The following DMBT1 variants were observed in gnomAD, a reference collection of about 807,000 sequenced individuals.
DMBT1 encodes scavenger receptor cysteine-rich domain-containing protein DMBT1.
Under a neutral mutation model 252.9 loss-of-function variants are expected in DMBT1, and 198 were observed. That is an observed-to-expected ratio of 0.78 (90% CI 0.70 to 0.88). DMBT1 has a LOEUF of 0.88. Among genes scored for constraint, DMBT1 ranks in the 40% least tolerant of loss-of-function variants. The probability of loss-of-function intolerance (pLI) is 0.00; values close to 1 mark genes in which losing one functional copy is unlikely to be tolerated. For missense variants in DMBT1, 2,432 were observed against 2,404.7 expected (o/e 1.01, Z -0.24); for synonymous variants, 990 against 942.7 (o/e 1.05, Z -0.92).
At chr10:122,572,074 C>T (rs1466883285) in intron 4 of DMBT1, among the ~76,000 whole-genome samples, 1 of 152,178 alleles carries the variant, frequency 6.6e-6, no homozygotes, top group Non-Finnish European at 1.5e-5. Context: ...TGAATAGAGG[C>T]TGTGGCAGCA....
Position 122,598,872 on chromosome 10 carries a change from G to A in DMBT1, c.3055G>A (p.Asp1019Asn), listed in dbSNP as rs773492969. The A allele has an allele frequency of 1.7e-5, 27 of 1,613,724 alleles. No homozygotes were observed. The South Asian group carries it at 2.0e-4, about 12-fold the overall frequency. The change falls in exon 26 of 56, where the codon GAT becomes AAT. Residue 1019 changes from aspartate to asparagine, a missense_variant. By Grantham distance (23) the Asp-to-Asn change is conservative. This residue lies in a region of DMBT1 where 1,264 missense variants were observed against 1,082.2 expected (regional missense o/e 1.17). Transcript: ENST00000338354. Reference sequence around the variant, plus strand: ...CCAAGGCTCCTGGGGCACCGTGTGCGATGACAGCTGGGACACCAATGATGC... The same window carrying A: ...CCAAGGCTCCTGGGGCACCGTGTGCAATGACAGCTGGGACACCAATGATGC... ...LYQGSWGTVC[D>N]DSWDTNDANV... is the part of the protein sequence containing the mutation.
At chr10:122,573,144 G>A (rs2097680511) in intron 5 of DMBT1, among the ~76,000 whole-genome samples, 2 of 152,188 alleles carry the variant, frequency 1.3e-5, no homozygotes, top group African/African-American at 4.8e-5. Context: ...TCTGTCATTT[G>A]GAGTGTGGGC....
intron 17 of DMBT1, 107 bp from the exon 18 acceptor site, chr10:122,590,558 G>A (rs1325254126): frequency 6.0e-6 from 8 of 1,323,520 alleles, no homozygotes; most frequent in Middle Eastern, 2.4e-4. Context: ...TCTGTGATGG[G>A]GACATAGGGT....
chr10:122,591,483 G>A lies in DMBT1; in HGVS notation c.2142G>A (p.Thr714=), dbSNP rs755396670. 23 of 1,587,096 alleles carry A rather than the reference G, an allele frequency of 1.4e-5. 1 individual carries two copies. Among genetic ancestry groups the A allele is most frequent in the African/African-American group, 1.1e-4 (8 of 74,538 alleles). The change falls in exon 19 of 56, where the codon ACG becomes ACA. Residue 714 remains threonine (T), a synonymous_variant. Coordinates refer to ENST00000338354, the MANE Select transcript of DMBT1 (RefSeq NM_001377530.1). The part of the protein sequence containing the change: ...AQSRSTPRPD[T]LSTITLPPST... ...TGTCTTTGTTGCAATTTACAGACACGTTGTCGACCATCACGTTACCTCCAT... is the reference window on the plus strand; with the variant it reads ...TGTCTTTGTTGCAATTTACAGACACATTGTCGACCATCACGTTACCTCCAT...
intron 54 of DMBT1, among the ~76,000 whole-genome samples, chr10:122,638,335 T>TCACACCCATTCACACC: frequency 6.6e-6 from 1 of 152,242 alleles, no homozygotes; most frequent in African/African-American, 2.4e-5. Flanking sequence ...TCACACCCGT[T>TCACACCCATTCACACC]TGGAGCGGCC....
rs2098231058 is a variant in DMBT1 at position 122,636,877 on chromosome 10, C to T, written c.6758-251C>T. 2.0e-5 allele frequency among the ~76,000 whole-genome samples: 3 copies of T among 152,342 alleles called. No homozygotes were observed. In the South Asian group the frequency reaches 6.2e-4, roughly 32 times the overall value. The stretch of plus-strand genomic sequence containing the variant: ...CCAAACATACCACTTATTTAAAAAT[C>T]CTGCCTCCAATTCTCCATCAGAGAA... On this transcript the variant is annotated intron_variant, in intron 53 of 55. Coordinates refer to ENST00000338354, the MANE Select transcript of DMBT1 (RefSeq NM_001377530.1).
intron 19 of DMBT1, among the ~76,000 whole-genome samples, chr10:122,591,893 T>G (rs2097852150): frequency 1.3e-5 from 2 of 149,194 alleles, no homozygotes; most frequent in African/African-American, 4.9e-5. Context: ...TTGCCATCCC[T>G]GGCAATTTGC....
chr10:122,632,012 C>A, intron 50 of DMBT1, 137 bp downstream of exon 50: 1 of 981,276 alleles, frequency 1.0e-6, no homozygotes, highest in Non-Finnish European at 1.6e-6. Context: ...CCTGTCCCCT[C>A]CCCTGCCGGC....
rs1222209056 is a variant in DMBT1, at chr10:122,580,886, C to T, written c.1024C>T (p.Pro342Ser). ...CACAGCTCCCCAGTCCCGGCCGACA[C>T]CCAGCCCAGGTAGGTCCCCAGTGTC... ...ICSAPQSRPT[P>S]SPDTWPTSHA... is the part of the protein sequence containing the mutation. The change falls in exon 11 of 56, where the codon CCC becomes TCC. Residue 342 changes from proline to serine, a missense_variant. This residue lies in a region of DMBT1 where 1,264 missense variants were observed against 1,082.2 expected (regional missense o/e 1.17). Coordinates refer to ENST00000338354, the MANE Select transcript of DMBT1 (RefSeq NM_001377530.1). 3 of 1,613,886 alleles carry T rather than the reference C, an allele frequency of 1.9e-6. No homozygotes were observed. The highest frequency in any genetic ancestry group is 1.7e-5 in the Admixed American group (1 of 59,992).
Position 122,593,706 on chromosome 10 carries a change from T to C in DMBT1, c.2530+108T>C. ...TTCTCTGTGTGGATACTGTGGGGCA[T>C]ATTATTTCCACCCCCAACACCGGCT... is the stretch of plus-strand genomic sequence containing the variant. On this transcript the variant is annotated intron_variant, in intron 21 of 55. Coordinates refer to ENST00000338354, the MANE Select transcript of DMBT1 (RefSeq NM_001377530.1). 1.5e-6 allele frequency: 2 copies of C among 1,359,282 alleles called. 1 individual carries two copies. Among genetic ancestry groups the C allele is most frequent in the Non-Finnish European group, 2.0e-6 (2 of 988,780 alleles). The allele number at this position is 1,359,282 out of a possible 1,614,324, so 84.2% of individuals were successfully genotyped here.
chr10:122,632,104 G>T (rs765965457), intron 50 of DMBT1, among the ~76,000 whole-genome samples: 3 of 152,054 alleles, frequency 2.0e-5, no homozygotes, highest in Non-Finnish European at 2.9e-5. Context: ...CCGAGGTGAG[G>T]CCCGCCACCT....
rs141625742 is a variant in DMBT1, at chr10:122,573,781, G to T, written c.283+19G>T. On this transcript the variant is annotated intron_variant, in intron 6 of 55. Coordinates refer to ENST00000338354, the MANE Select transcript of DMBT1 (RefSeq NM_001377530.1). ...GCAGAAGGTAACGTCTACTATGGGGGATCCCTGTAGGCTCATTACCCCCCT... is the reference window on the plus strand; with the variant it reads ...GCAGAAGGTAACGTCTACTATGGGGTATCCCTGTAGGCTCATTACCCCCCT... 17,828 of 1,611,866 alleles carry T rather than the reference G, an allele frequency of 0.011. 1,065 individuals carry two copies. In the South Asian group the frequency reaches 0.13, roughly 12 times the overall value.
At position 122,579,771 on chromosome 10, in the gene DMBT1, G is replaced by A. The variant is rs532899340; in HGVS notation, c.873G>A (p.Gln291=). The A allele has an allele frequency of 5.6e-6, 9 of 1,613,822 alleles. No homozygotes were observed. The highest frequency in any genetic ancestry group is 7.6e-6 in the Non-Finnish European group (9 of 1,179,760). ...CCCCAGGAAATGCCCAGTTTGGCCA[G>A]GGCTCAGGACCCATTGTCCTGGATG... is the stretch of plus-strand genomic sequence containing the variant. ...MSAPGNAQFG[Q]GSGPIVLDDV... Residue 291 remains glutamine (Q), a synonymous_variant, in exon 10 of 56, where the codon CAG becomes CAA. Coordinates refer to ENST00000338354, the MANE Select transcript of DMBT1 (RefSeq NM_001377530.1).
intron 19 of DMBT1, 97 bp from the exon 20 acceptor site, chr10:122,592,175 C>A (rs898129133): frequency 2.6e-6 from 4 of 1,518,092 alleles, no homozygotes; most frequent in Non-Finnish European, 3.5e-6. Context: ...CTTGTCCAGG[C>A]GACCTTGGCC....
intron 44 of DMBT1, among the ~76,000 whole-genome samples, chr10:122,622,716 G>A: frequency 6.6e-6 from 1 of 152,168 alleles, no homozygotes; most frequent in East Asian, 1.9e-4. Flanking sequence ...CTCAGCCAGA[G>A]TTCTATACCC....
At chr10:122,630,047 C>G in intron 47 of DMBT1, 54 bp downstream of exon 47, 3 of 1,601,090 alleles carry the variant, frequency 1.9e-6, no homozygotes, top group Non-Finnish European at 2.6e-6. Context: ...AGCACACCCA[C>G]TGGTTTAGAC....
intron 15 of DMBT1, 145 bp downstream of exon 15, chr10:122,585,454 G>A (rs2097781440): frequency 8.8e-7 from 1 of 1,136,440 alleles, no homozygotes; most frequent in South Asian, 1.6e-5. Context: ...TAGAGTCTCT[G>A]GGGACCCAGC....
intron 7 of DMBT1, 24 bp downstream of exon 7, chr10:122,576,746 G>T (rs757156147): frequency 3.7e-6 from 6 of 1,613,484 alleles, no homozygotes; most frequent in South Asian, 1.1e-5. Context: ...TCTCTGGAGG[G>T]TTGGGTGTGG....
intron 52 of DMBT1, among the ~76,000 whole-genome samples, chr10:122,634,585 C>T (rs1412914994): frequency 2.0e-5 from 3 of 151,630 alleles, no homozygotes; most frequent in Non-Finnish European, 4.4e-5. Context: ...CAACCTCTGC[C>T]TCCCGGGTTC....
Sources: allele counts gnomAD v4.1 joint callset (sites outside exome capture counted in the v4.1 genomes callset), GRCh38; gene constraint gnomAD v4.1.1; regional missense constraint gnomAD v4.1.1; transcripts MANE v1.5; gene names NCBI Gene and HGNC (gene_info 2026-07-23, HGNC 2026-07-21).